DOCK3: variants seen among roughly 807,000 people sequenced by gnomAD.
DOCK3 encodes dedicator of cytokinesis 3, also known as dedicator of cytokinesis protein 3.
In DOCK3, 60 loss-of-function variants were observed where a neutral mutation model predicts 265.6. The ratio of observed to expected loss-of-function variants is 0.23; its 90% CI spans 0.18 to 0.28. DOCK3 has a LOEUF of 0.28. DOCK3 is among the 10% of genes least tolerant of loss of function. DOCK3 has a pLI of 1.00. For missense variants in DOCK3, 1,981 were observed against 2,594.3 expected, an observed-to-expected ratio of 0.76 and a Z score of 5.14; for synonymous variants, 881 against 938.0, an observed-to-expected ratio of 0.94 and a Z score of 1.11.
chr3:51,086,660 T>C (rs1287895267), intron 7 of DOCK3, among the ~76,000 whole-genome samples: 1 of 152,106 alleles, frequency 6.6e-6, no homozygotes, highest in Non-Finnish European at 1.5e-5. Flanking sequence ...TAGCTGATCA[T>C]GGTGGCACAT....
intron 9 of DOCK3, among the ~76,000 whole-genome samples, chr3:51,117,174 G>C (rs2083778846): frequency 6.6e-6 from 1 of 152,002 alleles, no homozygotes; most frequent in South Asian, 2.1e-4. Context: ...TAGTATGCAG[G>C]GCTGTTGAAT....
At chr3:50,740,014 T>G (rs760245757) in intron 1 of DOCK3, among the ~76,000 whole-genome samples, 10 of 152,128 alleles carry the variant, frequency 6.6e-5, no homozygotes, top group Non-Finnish European at 1.5e-4. Context: ...TCTCTATTTC[T>G]CCTCTTGCCT....
At chr3:51,224,132 G>A (rs1353370240) in intron 14 of DOCK3, among the ~76,000 whole-genome samples, 1 of 152,198 alleles carries the variant, frequency 6.6e-6, no homozygotes, top group Non-Finnish European at 1.5e-5. Flanking sequence ...TAACCTCAAG[G>A]TTGCTTGTTT....
intron 46 of DOCK3, 129 bp downstream of exon 46, chr3:51,358,206 T>A: frequency 1.2e-6 from 1 of 836,508 alleles, no homozygotes; most frequent in Non-Finnish European, 1.9e-6. Flanking sequence ...GGAGAGAGGC[T>A]GTCCTCCCTA....
rs537620606 is a variant in DOCK3, at chr3:51,295,852, C to CT, written c.2923-14373dup. 8.5e-4 allele frequency among the ~76,000 whole-genome samples: 130 copies of CT among 152,076 alleles called. 2 individuals carry two copies. In the South Asian group the frequency reaches 0.026, roughly 31 times the overall value. On this transcript the variant is annotated intron_variant, in intron 27 of 52. Coordinates refer to ENST00000266037, the MANE Select transcript of DOCK3 (RefSeq NM_004947.5). ...ATCTCTATTCACAGATGACCTGATT[C>CT]TTTTTTTAGGAGGTGAGGTATTCTG... is the stretch of plus-strand genomic sequence containing the variant.
chr3:51,003,430 TAG>T (rs1303445432), intron 5 of DOCK3, among the ~76,000 whole-genome samples: 1 of 152,202 alleles, frequency 6.6e-6, no homozygotes, highest in Non-Finnish European at 1.5e-5. Context: ...TAAAAACATC[TAG>T]AGATAAATTT....
intron 2 of DOCK3, among the ~76,000 whole-genome samples, chr3:50,784,325 T>C (rs963176870): frequency 2.0e-5 from 3 of 152,226 alleles, no homozygotes; most frequent in African/African-American, 7.2e-5. Flanking sequence ...GCTATAAGTA[T>C]TTGGGTTTAT....
chr3:51,356,621 C>A, intron 43 of DOCK3, 128 bp downstream of exon 43: 1 of 869,480 alleles, frequency 1.2e-6, no homozygotes, highest in Non-Finnish European at 1.8e-6. Context: ...TCCCACAGGT[C>A]AACCCTGTGC....
intron 12 of DOCK3, among the ~76,000 whole-genome samples, chr3:51,198,781 G>A (rs1444934464): frequency 6.6e-6 from 1 of 152,180 alleles, no homozygotes; most frequent in Non-Finnish European, 1.5e-5. Flanking sequence ...TGTAATCCTA[G>A]CACTTTGGGA....
At chr3:50,717,455 T>TTATGTATGTGTGTATA (rs758894345) in intron 1 of DOCK3, among the ~76,000 whole-genome samples, 1 of 152,322 alleles carries the variant, frequency 6.6e-6, no homozygotes, top group South Asian at 2.1e-4. Flanking sequence ...TTCCATATAT[T>TTATGTATGTGTGTATA]TATGTATGTG....
At chr3:51,057,409 C>T (rs2081245686) in intron 5 of DOCK3, among the ~76,000 whole-genome samples, 1 of 152,202 alleles carries the variant, frequency 6.6e-6, no homozygotes, top group South Asian at 2.1e-4. Context: ...CAGATTTCTT[C>T]TGCCCAATCT....
At chr3:50,846,634 C>T (rs2046096641) in intron 3 of DOCK3, among the ~76,000 whole-genome samples, 1 of 152,146 alleles carries the variant, frequency 6.6e-6, no homozygotes, top group Admixed American at 6.5e-5. Context: ...CTGTCTGGTC[C>T]AGGACTTGCT....
chr3:51,115,331 G>A (rs1037531388), intron 9 of DOCK3, among the ~76,000 whole-genome samples: 7 of 152,010 alleles, frequency 4.6e-5, no homozygotes, highest in Admixed American at 6.6e-5. Context: ...TTTAATGATC[G>A]TCATTCTAAC....
intron 1 of DOCK3, among the ~76,000 whole-genome samples, chr3:50,767,204 C>T (rs1341013270): frequency 2.6e-5 from 4 of 152,048 alleles, no homozygotes; most frequent in Admixed American, 2.6e-4. Context: ...ATGCCTATGT[C>T]CTGAATGGTA....
At chr3:51,195,155 T>G (rs560285943) in intron 12 of DOCK3, among the ~76,000 whole-genome samples, 1 of 152,062 alleles carries the variant, frequency 6.6e-6, no homozygotes, top group African/African-American at 2.4e-5. Context: ...AATAGTCGGA[T>G]TGTGGGTTTT....
intron 3 of DOCK3, among the ~76,000 whole-genome samples, chr3:50,883,115 C>G (rs898699960): frequency 6.6e-6 from 1 of 151,578 alleles, no homozygotes; most frequent in Admixed American, 6.6e-5. Flanking sequence ...CAGGGCCTGT[C>G]GTGGGGTGGG....
chr3:51,017,143 T>TA (rs1435329605), intron 5 of DOCK3, among the ~76,000 whole-genome samples: 6 of 149,984 alleles, frequency 4.0e-5, no homozygotes, highest in African/African-American at 1.2e-4. Flanking sequence ...CATTTTTTTC[T>TA]AGGTTTTTCA....
Position 50,899,950 on chromosome 3 carries a change from C to G in DOCK3, c.218+9869C>G, listed in dbSNP as rs2049093794. On this transcript the variant is annotated intron_variant, in intron 4 of 52. Transcript: ENST00000266037. ...CTTGGTAAATCTGATAATTATGTGT[C>G]TTGGGGTTACTCTTCTTGAGGAGTA... Among the ~76,000 whole-genome samples the G allele has an allele frequency of 2.0e-5, 3 of 152,016 alleles. No homozygotes were observed. In the South Asian group the frequency reaches 6.2e-4, roughly 32 times the overall value.
intron 22 of DOCK3, among the ~76,000 whole-genome samples, chr3:51,249,167 C>CG (rs1553810575): frequency 2.1e-5 from 3 of 143,044 alleles, no homozygotes; most frequent in South Asian, 2.2e-4. Context: ...GTCAGCCCCC[C>CG]GCCAGGCCAG....
Sources: gnomAD v4.1 joint callset for allele counts (sites outside exome capture counted in the v4.1 genomes callset) on GRCh38, gnomAD v4.1.1 for gene constraint, MANE v1.5 for transcripts, NCBI Gene and HGNC (gene_info 2026-07-23, HGNC 2026-07-21) for gene names.